Variants in TADA2A observed in about 807,000 individuals in gnomAD.
The protein encoded by TADA2A is transcriptional adaptor 2A, also known as transcriptional adapter 2-alpha.
In TADA2A, 38 loss-of-function variants were observed where a neutral mutation model predicts 67.4. The ratio of observed to expected loss-of-function variants is 0.56; its 90% CI spans 0.44 to 0.74. The LOEUF is 0.74. Ranked by LOEUF, TADA2A falls within the 30% of genes least tolerant of loss-of-function variation. The pLI is 0.00. For synonymous variants in TADA2A, 192 were observed against 181.6 expected (o/e 1.06, Z -0.46); for missense variants, 454 against 547.0 (o/e 0.83, Z 1.70).
At chr17:37,417,683 C>T (rs752803537) in intron 2 of TADA2A, among the ~76,000 whole-genome samples, 1 of 151,738 alleles carries the variant, frequency 6.6e-6, no homozygotes, top group African/African-American at 2.4e-5. Context: ...TACAGGTGTG[C>T]GTCACCAGGC....
rs1333012318 is a variant in TADA2A at position 37,462,090 on chromosome 17, C to A, written c.681C>A (p.Asp227Glu). 2 of 1,572,952 alleles carry A rather than the reference C, an allele frequency of 1.3e-6. No individual in the cohort carries two copies. Among genetic ancestry groups the A allele is most frequent in the Admixed American group, 3.6e-5 (2 of 55,914 alleles). Residue 227 changes from aspartate to glutamate, a missense_variant, in exon 10 of 16, where the codon GAC (aspartate) becomes GAA (glutamate). Physicochemically the swap from Asp to Glu is conservative, Grantham distance 45. Around this residue, in one of 2 missense-constraint regions of TADA2A, gnomAD observed 403 missense variants for 455.5 expected, o/e 0.88. Coordinates refer to ENST00000615182, the MANE Select transcript of TADA2A (RefSeq NM_001166105.3). ...ERQRRKKIIR[D>E]HGLINLRKFQ... ...CTTTTCATTCTAGAATTATAAGAGA[C>A]CATGGATTAATCAACCTTAGAAAGT...
intron 2 of TADA2A, among the ~76,000 whole-genome samples, chr17:37,413,084 G>C (rs1018527808): frequency 6.6e-6 from 1 of 151,946 alleles, no homozygotes; most frequent in East Asian, 1.9e-4. Context: ...CTGCCACCAC[G>C]CCCGGCTAAT....
At chr17:37,468,210 TG>T (rs1488810884) in intron 12 of TADA2A, among the ~76,000 whole-genome samples, 1 of 152,214 alleles carries the variant, frequency 6.6e-6, no homozygotes, top group Admixed American at 6.5e-5. Context: ...CCCAGTTACT[TG>T]GGGTAGTGAC....
chr17:37,447,223 G>T (rs1597903459), intron 8 of TADA2A, among the ~76,000 whole-genome samples: 1 of 152,170 alleles, frequency 6.6e-6, no homozygotes, highest in Non-Finnish European at 1.5e-5. Flanking sequence ...GCGCAGTAGC[G>T]TGATCTTGGC....
chr17:37,462,573 A>C (rs935190046), intron 10 of TADA2A, among the ~76,000 whole-genome samples: 4 of 152,218 alleles, frequency 2.6e-5, no homozygotes, highest in African/African-American at 7.2e-5. Context: ...TAAAGGTTGC[A>C]GTGAGCCGAG....
chr17:37,451,383 A>G (rs899649048), intron 8 of TADA2A, among the ~76,000 whole-genome samples: 1 of 148,082 alleles, frequency 6.8e-6, no homozygotes, highest in Non-Finnish European at 1.5e-5. Context: ...CAGTGGTGCA[A>G]TCTTAGCTCA....
rs190633989 is a variant in TADA2A at position 37,408,191 on chromosome 17, A to C, written c.-98+1242A>C. Among the ~76,000 whole-genome samples the C allele has an allele frequency of 6.6e-5, 10 of 151,048 alleles. No individual in the cohort carries two copies. The East Asian group carries it at 1.4e-3, about 21-fold the overall frequency. ...CGTGAGCCACCGCACCCGGCCTCCT[A>C]CTGTGCTTTTTCGAGTGTTGATCAG... On this transcript the variant is annotated intron_variant, in intron 1 of 15. Transcript: ENST00000615182.
intron 4 of TADA2A, among the ~76,000 whole-genome samples, chr17:37,427,986 A>C (rs954613848): frequency 3.9e-5 from 6 of 152,118 alleles, no homozygotes; most frequent in Admixed American, 3.9e-4. Flanking sequence ...CATCTCAAAA[A>C]AAAAAAGACA....
chr17:37,417,981 A>C (rs2052103405), intron 2 of TADA2A, among the ~76,000 whole-genome samples: 1 of 152,264 alleles, frequency 6.6e-6, no homozygotes, highest in African/African-American at 2.4e-5. Context: ...AATAGAAGAC[A>C]TGATTTAAGT....
intron 2 of TADA2A, among the ~76,000 whole-genome samples, chr17:37,413,778 C>T (rs1374181442): frequency 6.6e-6 from 1 of 151,876 alleles, no homozygotes; most frequent in Non-Finnish European, 1.5e-5. Context: ...CTAGTGCTCT[C>T]TCCACATTTA....
At chr17:37,467,295 T>C (rs1304629790) in intron 11 of TADA2A, among the ~76,000 whole-genome samples, 159 bp from the exon 12 acceptor site, 1 of 152,208 alleles carries the variant, frequency 6.6e-6, no homozygotes. Context: ...AGCTCTTGGG[T>C]AAAATTTCTA....
intron 2 of TADA2A, among the ~76,000 whole-genome samples, chr17:37,413,052 G>A (rs146256568): frequency 6.7e-4 from 102 of 151,860 alleles, no homozygotes; most frequent in African/African-American, 2.3e-3. Context: ...TCAGCCTCCC[G>A]AGTAGCTGGG....
chr17:37,457,233 T>G (rs1376521696), intron 8 of TADA2A, among the ~76,000 whole-genome samples: 1 of 144,000 alleles, frequency 6.9e-6, no homozygotes, highest in Non-Finnish European at 1.5e-5. Flanking sequence ...CTGGCTGGAA[T>G]GTAGTGGTGC....
intron 11 of TADA2A, among the ~76,000 whole-genome samples, chr17:37,467,107 G>A (rs1168591580): frequency 2.6e-5 from 4 of 152,090 alleles, no homozygotes; most frequent in Admixed American, 2.0e-4. Context: ...GCAGTGAGCC[G>A]AGATCATGCC....
rs17138746 is a variant in TADA2A, at chr17:37,439,641, A to C, written c.285-864A>C. On this transcript the variant is annotated intron_variant, in intron 5 of 15. Coordinates refer to ENST00000615182, the MANE Select transcript of TADA2A (RefSeq NM_001166105.3). ...CCTCATTTTTCCTTCTTTGAAATTG[A>C]GATAGTAACAATATCCATACCACAA... Among the ~76,000 whole-genome samples the C allele has an allele frequency of 7.2e-3, 1,098 of 152,212 alleles. 10 individuals are homozygous for C. The highest frequency in any genetic ancestry group is 0.025 in the African/African-American group (1,036 of 41,538).
At chr17:37,441,469 A>T (rs2052915163) in intron 6 of TADA2A, among the ~76,000 whole-genome samples, 1 of 152,132 alleles carries the variant, frequency 6.6e-6, no homozygotes, top group African/African-American at 2.4e-5. Flanking sequence ...GAACTTTTTA[A>T]TCTCATGTGC....
intron 2 of TADA2A, among the ~76,000 whole-genome samples, chr17:37,422,972 C>T (rs117155415): frequency 0.011 from 1,746 of 152,282 alleles, 17 homozygotes; most frequent in Middle Eastern, 0.024. Flanking sequence ...GGCATGGTAG[C>T]TCATACCTGT....
chr17:37,446,987 A>G (rs1443888013), intron 8 of TADA2A, among the ~76,000 whole-genome samples: 1 of 152,158 alleles, frequency 6.6e-6, no homozygotes, highest in Non-Finnish European at 1.5e-5. Context: ...AACATACTTT[A>G]GGTATTTGTA....
chr17:37,413,104 T>A (rs1189233453), intron 2 of TADA2A, among the ~76,000 whole-genome samples: 4 of 152,128 alleles, frequency 2.6e-5, no homozygotes, highest in African/African-American at 9.7e-5. Context: ...TTTTTGTATT[T>A]TTAGTAGATA....
Sources: gnomAD v4.1 joint callset for allele counts (sites outside exome capture counted in the v4.1 genomes callset) on GRCh38, gnomAD v4.1.1 for gene constraint, gnomAD v4.1.1 regional missense constraint, MANE v1.5 for transcripts, NCBI Gene and HGNC (gene_info 2026-07-23, HGNC 2026-07-21) for gene names.